NRXN3: variants seen among roughly 807,000 people sequenced by gnomAD.
The protein encoded by NRXN3 is neurexin III.
NRXN3 carries 32 observed loss-of-function variants against 137.6 expected under a neutral mutation model. That is an observed-to-expected ratio of 0.23 (90% CI 0.18 to 0.31). The LOEUF (loss-of-function observed/expected upper bound fraction) is 0.31, where lower values mean the gene tolerates loss of function less well. Among genes scored for constraint, NRXN3 ranks in the 10% least tolerant of loss-of-function variants. The pLI is 1.00. For synonymous variants in NRXN3, 798 were observed against 784.5 expected (o/e 1.02, Z -0.29); for missense variants, 1,574 against 2,062.5 (o/e 0.76, Z 4.59).
chr14:79,055,645 A>C (rs771524483), intron 15 of NRXN3, among the ~76,000 whole-genome samples: 1 of 152,218 alleles, frequency 6.6e-6, no homozygotes, highest in Non-Finnish European at 1.5e-5. Flanking sequence ...ATATATATTA[A>C]CATTCTAATC....
chr14:78,266,047 C>T (rs1019031706), intron 2 of NRXN3, among the ~76,000 whole-genome samples: 9 of 152,284 alleles, frequency 5.9e-5, no homozygotes, highest in African/African-American at 1.9e-4. Context: ...ATGGACCTTA[C>T]TTGAAGTCCT....
chr14:78,574,196 T>A (rs1319270725), intron 4 of NRXN3, among the ~76,000 whole-genome samples: 1 of 152,168 alleles, frequency 6.6e-6, no homozygotes, highest in Admixed American at 6.5e-5. Flanking sequence ...CAGGCAGAAG[T>A]TTGCTGCAGG....
At chr14:78,944,082 C>G (rs981567916) in intron 10 of NRXN3, among the ~76,000 whole-genome samples, 47 of 152,030 alleles carry the variant, frequency 3.1e-4, no homozygotes, top group Non-Finnish European at 8.8e-5. Context: ...GGCCAAATCT[C>G]TGGAATTTCA....
chr14:78,880,502 G>T (rs180806758), intron 10 of NRXN3, among the ~76,000 whole-genome samples: 1 of 152,108 alleles, frequency 6.6e-6, no homozygotes, highest in Admixed American at 6.5e-5. Flanking sequence ...TGGCAGGGAG[G>T]AGACCAAAGA....
intron 2 of NRXN3, among the ~76,000 whole-genome samples, chr14:78,276,229 A>G (rs2073570259): frequency 6.6e-6 from 1 of 152,180 alleles, no homozygotes; most frequent in African/African-American, 2.4e-5. Context: ...TTGAGGAGGG[A>G]AAACAAAAGA....
intron 15 of NRXN3, among the ~76,000 whole-genome samples, chr14:79,358,657 G>GAAAGAA (rs1190589632): frequency 6.7e-6 from 1 of 150,224 alleles, no homozygotes; most frequent in African/African-American, 2.4e-5. Context: ...AAGAAAGAAA[G>GAAAGAA]AAAGAAAGAA....
At chr14:79,048,160 C>T (rs1167818849) in intron 15 of NRXN3, among the ~76,000 whole-genome samples, 1 of 152,140 alleles carries the variant, frequency 6.6e-6, no homozygotes, top group Non-Finnish European at 1.5e-5. Context: ...GAGAGAAAGA[C>T]ACCAAAGAGT....
chr14:79,676,825 A>G (rs1428190151), intron 17 of NRXN3, among the ~76,000 whole-genome samples: 1 of 152,094 alleles, frequency 6.6e-6, no homozygotes, highest in Non-Finnish European at 1.5e-5. Context: ...TTTGACTCCA[A>G]TTAAGTTATC....
rs2097674720 is a variant in NRXN3, at chr14:78,645,159, A to G, written c.797A>G (p.Tyr266Cys). The G allele has an allele frequency of 1.3e-6, 2 of 1,585,680 alleles. No individual in the cohort carries two copies. Among genetic ancestry groups the G allele is most frequent in the Non-Finnish European group, 1.7e-6 (2 of 1,173,188 alleles). ...ENVATFRGSE[Y>C]LCYDLSQNPI... ...GTGGCCACTTTCCGAGGCTCAGAGTATCTGTGCTACGACCTGTCTCAGAAC... is the reference window on the plus strand; with the variant it reads ...GTGGCCACTTTCCGAGGCTCAGAGTGTCTGTGCTACGACCTGTCTCAGAAC... Residue 266 changes from tyrosine (Y) to cysteine (C), a missense_variant, in exon 5 of 21, where the codon TAT (tyrosine) becomes TGT (cysteine). Transcript: ENST00000335750.
At chr14:79,704,786 ACT>A (rs2098770141) in intron 19 of NRXN3, among the ~76,000 whole-genome samples, 1 of 152,002 alleles carries the variant, frequency 6.6e-6, no homozygotes, top group African/African-American at 2.4e-5. Context: ...GAGAAATTGC[ACT>A]CTAATTTACT....
intron 17 of NRXN3, among the ~76,000 whole-genome samples, chr14:79,665,893 T>C (rs1252919806): frequency 2.0e-5 from 3 of 152,140 alleles, no homozygotes; most frequent in African/African-American, 7.2e-5. Flanking sequence ...CTGAAAACTA[T>C]TATTATCATT....
At chr14:79,556,235 T>C (rs2153760469) in intron 16 of NRXN3, among the ~76,000 whole-genome samples, 1 of 152,276 alleles carries the variant, frequency 6.6e-6, no homozygotes, top group African/African-American at 2.4e-5. Context: ...TTTAGCATAC[T>C]CATTCTCTGA....
chr14:78,508,839 A>G (rs1206599714), intron 4 of NRXN3, among the ~76,000 whole-genome samples: 4 of 152,200 alleles, frequency 2.6e-5, no homozygotes, highest in African/African-American at 7.2e-5. Flanking sequence ...CATTTTATGT[A>G]TGTATATTTT....
At chr14:78,401,314 G>A (rs903218254) in intron 4 of NRXN3, among the ~76,000 whole-genome samples, 23 of 152,118 alleles carry the variant, frequency 1.5e-4, no homozygotes, top group African/African-American at 4.6e-4. Flanking sequence ...ACAGGCACCC[G>A]CCACCATGCC....
chr14:78,963,676 C>T (rs966768008), intron 11 of NRXN3, among the ~76,000 whole-genome samples: 3 of 152,054 alleles, frequency 2.0e-5, no homozygotes, highest in Non-Finnish European at 2.9e-5. Flanking sequence ...TTAAGTTAAC[C>T]AACATCTTTT....
At chr14:78,740,544 C>CTT (rs11389703) in intron 8 of NRXN3, among the ~76,000 whole-genome samples, 277 of 142,126 alleles carry the variant, frequency 1.9e-3, no homozygotes, top group East Asian at 6.8e-3. Context: ...CTTTTCTTTT[C>CTT]TTTTTTTTTT....
At chr14:79,701,651 T>C (rs1169268124) in intron 19 of NRXN3, among the ~76,000 whole-genome samples, 2 of 152,056 alleles carry the variant, frequency 1.3e-5, no homozygotes. Context: ...CTGGGCTGGG[T>C]AACTGGCAGT....
chr14:79,064,966 G>C lies in NRXN3; in HGVS notation c.3262+76825G>C, dbSNP rs576026717. ...TCTCTAAAAATATTGAAAAGTTAAA[G>C]TTTCCTTATCCACTTTCTCCTCAAC... On this transcript the variant is annotated intron_variant, in intron 15 of 20. Transcript: ENST00000335750. Among the ~76,000 whole-genome samples, 7 of 151,606 alleles carry C rather than the reference G, an allele frequency of 4.6e-5. No homozygotes were observed. In the East Asian group the frequency reaches 1.4e-3, roughly 29 times the overall value.
At chr14:78,210,237 G>A (rs1000564865) in intron 1 of NRXN3, among the ~76,000 whole-genome samples, 1 of 152,196 alleles carries the variant, frequency 6.6e-6, no homozygotes, top group Non-Finnish European at 1.5e-5. Context: ...GTGAGGGCCA[G>A]TTCTTCTAGG....
Sources: allele counts gnomAD v4.1 joint callset (sites outside exome capture counted in the v4.1 genomes callset), GRCh38; gene constraint gnomAD v4.1.1; transcripts MANE v1.5; gene names NCBI Gene and HGNC (gene_info 2026-07-23, HGNC 2026-07-21).